The following PMEL variants were observed in gnomAD, a reference collection of about 807,000 sequenced individuals.
The protein encoded by PMEL is melanocyte protein PMEL.
A neutral mutation model predicts 64.9 loss-of-function variants in PMEL; 53 were observed. That is an observed-to-expected ratio of 0.82 (90% CI 0.66 to 1.03). The LOEUF is 1.03. Ranked by LOEUF, PMEL falls within the 50% of genes least tolerant of loss-of-function variation. The pLI is 0.00. For synonymous variants in PMEL, 299 were observed against 316.2 expected (o/e 0.95, Z 0.58); for missense variants, 716 against 814.9 (o/e 0.88, Z 1.48).
Position 55,955,862 on chromosome 12 carries a change from C to T in PMEL, c.1473G>A (p.Gln491=), listed in dbSNP as rs528918047. Residue 491 remains glutamine, a splice_region_variant and synonymous_variant, in exon 8 of 11, where the codon CAG becomes CAA. Transcript: ENST00000548747. The part of the protein sequence containing the change: ...GSFSVTLDIV[Q]GIESAEILQA... ...GCAGGATCTCGGCACTTTCAATACC[C>T]TCTGCAGAGTTGCAAGCTTATCAAA... 2 of 1,613,652 alleles carry T rather than the reference C, an allele frequency of 1.2e-6. No individual in the cohort carries two copies. The highest frequency in any genetic ancestry group is 1.1e-5 in the South Asian group (1 of 91,072).
intron 4 of PMEL, 37 bp downstream of exon 4, chr12:55,958,436 C>T (rs374961806): frequency 6.2e-7 from 1 of 1,601,656 alleles, no homozygotes; most frequent in African/African-American, 1.3e-5. Context: ...GAAGTAAACA[C>T]AAGTGTGGAT....
intron 10 of PMEL, among the ~76,000 whole-genome samples, chr12:55,954,756 T>C (rs2136433702): frequency 6.6e-6 from 1 of 152,162 alleles, no homozygotes; most frequent in African/African-American, 2.4e-5. Context: ...ATACAAAAAT[T>C]AGCCAGGTGT....
intron 7 of PMEL, 40 bp from the exon 8 acceptor site, chr12:55,955,903 C>T: frequency 1.3e-6 from 2 of 1,553,896 alleles, no homozygotes; most frequent in Non-Finnish European, 1.8e-6. Flanking sequence ...ATTCCTCTAC[C>T]TGGCCTCCCC....
chr12:55,955,705 G>A, intron 8 of PMEL, 36 bp from the exon 9 acceptor site: 1 of 1,610,426 alleles, frequency 6.2e-7, no homozygotes, highest in Non-Finnish European at 8.5e-7. Flanking sequence ...GGGGATCTGG[G>A]AAGGGACACT....
At chr12:55,961,908 C>G (rs1297296007) in intron 1 of PMEL, among the ~76,000 whole-genome samples, 176 bp from the exon 2 acceptor site, 1 of 149,304 alleles carries the variant, frequency 6.7e-6, no homozygotes, top group East Asian at 2.0e-4. Flanking sequence ...ATGATCTCGG[C>G]TCATTGCAAC....
At chr12:55,964,951 G>A (rs1269810978) in intron 1 of PMEL, among the ~76,000 whole-genome samples, 32 of 120,098 alleles carry the variant, frequency 2.7e-4, no homozygotes, top group African/African-American at 9.1e-4. Context: ...TTTTTGAGAC[G>A]GAGACTCGCT....
In PMEL at chr12:55,961,451, G is replaced by C. The variant is rs1253244958; in HGVS notation, c.200C>G (p.Ser67Cys). Residue 67 changes from serine to cysteine, a missense_variant, in exon 3 of 11, where the codon TCC (serine) becomes TGC (cysteine). By Grantham distance (112) the Ser-to-Cys change is moderately radical. Transcript: ENST00000548747. ...RLDCWRGGQV[S>C]LKVSNDGPTL... ...AGGCCCATCATTACTGACCTTGAGG[G>C]ACACTTGACCACCTGGGAAGGAAAG... 6.2e-7 allele frequency: 1 copy of C among 1,614,118 alleles called. No individual in the cohort carries two copies. Among genetic ancestry groups the C allele is most frequent in the African/African-American group, 1.3e-5 (1 of 75,036 alleles).
chr12:55,957,177 G>A lies in PMEL; in HGVS notation c.1126C>T (p.Pro376Ser). The change falls in exon 6 of 11, where the codon CCT becomes TCT. Residue 376 changes from proline to serine, a missense_variant. Coordinates refer to ENST00000548747, the MANE Select transcript of PMEL (RefSeq NM_001384361.1). The stretch of plus-strand genomic sequence containing the variant: ...ACCTCTGAAACTGGCACCTTCTCAG[G>A]TGTCATACCTGTGCTCTCTGCAGTT... ...MPTAESTGMT[P>S]EKVPVSEVMG... The A allele has an allele frequency of 6.2e-7, 1 of 1,614,212 alleles. No individual in the cohort carries two copies. The highest frequency in any genetic ancestry group is 8.5e-7 in the Non-Finnish European group (1 of 1,180,038).
chr12:55,961,763 G>A (rs1157605253), intron 1 of PMEL, 31 bp from the exon 2 acceptor site: 2 of 1,406,336 alleles, frequency 1.4e-6, no homozygotes, highest in East Asian at 4.6e-5. Flanking sequence ...AGGGCCCTAG[G>A]ATCCTTTCAG....
At position 55,957,997 on chromosome 12, in the gene PMEL, A is replaced by T. The variant is rs756738285; in HGVS notation, c.557T>A (p.Val186Glu). 5 of 1,614,048 alleles carry T rather than the reference A, an allele frequency of 3.1e-6. No homozygotes were observed. Among genetic ancestry groups the T allele is most frequent in the Non-Finnish European group, 4.2e-6 (5 of 1,180,038 alleles). The change falls in exon 5 of 11, where the codon GTG (valine) becomes GAG (glutamate). Residue 186 changes from valine (V) to glutamate (E), a missense_variant. Coordinates refer to ENST00000548747, the MANE Select transcript of PMEL (RefSeq NM_001384361.1). ...GGATCCCCGGCGATGGTAGACAGTC[A>T]CTTCCATGGTGTGTGTGCCCAGCAT... Reference protein sequence around the residue: ...RAMLGTHTMEVTVYHRRGSRS... With the variant: ...RAMLGTHTMEETVYHRRGSRS...
Position 55,961,274 on chromosome 12 carries a change from C to A in PMEL, c.334+43G>T, listed in dbSNP as rs766264178. 2.4e-5 allele frequency: 39 copies of A among 1,595,498 alleles called. 1 individual carries two copies. The highest frequency in any genetic ancestry group is 5.5e-5 in the South Asian group (5 of 90,688). On this transcript the variant is annotated intron_variant, in intron 3 of 10. Coordinates refer to ENST00000548747, the MANE Select transcript of PMEL (RefSeq NM_001384361.1). ...TGAGCTCACTGGGCATACCAGGGAA[C>A]CTGAGCCCTAGGAATAAGGACCTAG...
chr12:55,961,832 GC>G, intron 1 of PMEL, 100 bp from the exon 2 acceptor site: 1 of 661,208 alleles, frequency 1.5e-6, no homozygotes. Context: ...CATTCGAAGT[GC>G]ATTTTTTTTT....
chr12:55,961,827 G>A (rs1009081345), intron 1 of PMEL, 95 bp from the exon 2 acceptor site: 9 of 723,588 alleles, frequency 1.2e-5, no homozygotes, highest in South Asian at 7.3e-5. Context: ...TCTCACATTC[G>A]AAGTGCATTT....
intron 10 of PMEL, among the ~76,000 whole-genome samples, chr12:55,954,685 C>T (rs891852947): frequency 6.6e-6 from 1 of 152,188 alleles, no homozygotes; most frequent in Non-Finnish European, 1.5e-5. Flanking sequence ...GTAGGCAGAT[C>T]ACGAGGTCAG....
chr12:55,964,526 G>A (rs1371898966), intron 1 of PMEL, among the ~76,000 whole-genome samples: 2 of 151,976 alleles, frequency 1.3e-5, no homozygotes, highest in African/African-American at 4.8e-5. Flanking sequence ...GGCTGGTCTT[G>A]AACTCCTGGG....
chr12:55,966,231 C>T, upstream of PMEL: 1 of 674,266 alleles, frequency 1.5e-6, no homozygotes. Context: ...TTCACTGGGT[C>T]ACTCTCATCT....
chr12:55,960,537 G>GTTTTTTTTTTT lies in PMEL; in HGVS notation c.334+769_334+779dup, dbSNP rs760692409. On this transcript the variant is annotated intron_variant, in intron 3 of 10. Coordinates refer to ENST00000548747, the MANE Select transcript of PMEL (RefSeq NM_001384361.1). ...TAATTTTCTTTTCTTTTTGCTTTCT[G>GTTTTTTTTTTT]TTTTTTTTTTTTTTTTTTTTTTTGA... 1.3e-4 allele frequency among the ~76,000 whole-genome samples: 13 copies of GTTTTTTTTTTT among 97,294 alleles called. 1 individual carries two copies. The highest frequency in any genetic ancestry group is 5.9e-4 in the African/African-American group (13 of 22,138). The allele number at this position is 97,294 out of a possible 152,430, so 63.8% of individuals were successfully genotyped here.
chr12:55,955,898 T>C lies in PMEL; in HGVS notation c.1472-35A>G, dbSNP rs776487384. On this transcript the variant is annotated intron_variant, in intron 7 of 10. Coordinates refer to ENST00000548747, the MANE Select transcript of PMEL (RefSeq NM_001384361.1). ...TGCAAGCTTATCAAATTAGGATTCC[T>C]CTACCTGGCCTCCCCAAAAGCCCAG... The C allele has an allele frequency of 3.2e-6, 5 of 1,573,688 alleles. No individual in the cohort carries two copies. In the East Asian group the frequency reaches 1.1e-4, roughly 35 times the overall value.
chr12:55,963,095 G>A (rs1053505123), intron 1 of PMEL, among the ~76,000 whole-genome samples: 22 of 151,604 alleles, frequency 1.5e-4, no homozygotes, highest in Admixed American at 1.3e-4. Context: ...AGGCGGAGGT[G>A]GCAGTGAGCC....
Sources: allele counts gnomAD v4.1 joint callset (sites outside exome capture counted in the v4.1 genomes callset), GRCh38; gene constraint gnomAD v4.1.1; transcripts MANE v1.5; gene names NCBI Gene and HGNC (gene_info 2026-07-23, HGNC 2026-07-21).